The following XRCC5 variants were observed in gnomAD, a reference collection of about 807,000 sequenced individuals.
XRCC5 encodes the protein X-ray repair cross complementing 5.
In XRCC5, 12 loss-of-function variants were observed where a neutral mutation model predicts 95.7. That is an observed-to-expected ratio of 0.13 (90% confidence interval 0.08 to 0.20). XRCC5 has a LOEUF of 0.20. Among genes scored for constraint, XRCC5 ranks in the 10% least tolerant of loss-of-function variants. The pLI is 1.00. For synonymous variants in XRCC5, 281 were observed against 290.3 expected, an observed-to-expected ratio of 0.97 and a Z score of 0.33; for missense variants, 595 against 873.9, an observed-to-expected ratio of 0.68 and a Z score of 4.02.
Position 216,119,031 on chromosome 2 carries a change from T to G in XRCC5, c.369-12T>G. On this transcript the variant is annotated splice_polypyrimidine_tract_variant and intron_variant, in intron 4 of 20. Coordinates refer to ENST00000392132, the MANE Select transcript of XRCC5 (RefSeq NM_021141.4). ...GAGAATGATTTCTTAATATGATAAC[T>G]CTCTCTTTTAGAGGAAAGAAGTTTG... The G allele has an allele frequency of 6.2e-7, 1 of 1,612,536 alleles. No individual in the cohort carries two copies. Among genetic ancestry groups the G allele is most frequent in the East Asian group, 2.2e-5 (1 of 44,850 alleles).
intron 2 of XRCC5, among the ~76,000 whole-genome samples, chr2:216,115,845 G>A (rs910679923): frequency 1.3e-5 from 2 of 151,620 alleles, no homozygotes; most frequent in African/African-American, 4.8e-5. Flanking sequence ...GATAAACCTG[G>A]AGGCCCTTCC....
intron 16 of XRCC5, chr2:216,175,847 G>T (rs957720976): frequency 2.3e-6 from 1 of 431,454 alleles, no homozygotes; most frequent in Admixed American, 2.6e-5. Flanking sequence ...ATCTGTGAGT[G>T]TGCCCCCTTT....
intron 14 of XRCC5, among the ~76,000 whole-genome samples, chr2:216,159,602 C>T (rs1227155994): frequency 6.6e-6 from 1 of 152,074 alleles, no homozygotes; most frequent in East Asian, 1.9e-4. Flanking sequence ...TTATAAAGCT[C>T]TAACATACAT....
chr2:216,121,545 C>T (rs928104505), intron 5 of XRCC5, among the ~76,000 whole-genome samples: 3 of 152,174 alleles, frequency 2.0e-5, no homozygotes, highest in Non-Finnish European at 1.5e-5. Context: ...CAAAAAGCCT[C>T]TCCCTTCAAC....
In XRCC5 at chr2:216,127,691, T is replaced by G; in HGVS notation, c.937+17T>G. The G allele has an allele frequency of 6.3e-7, 1 of 1,580,044 alleles. No homozygotes were observed. Among genetic ancestry groups the G allele is most frequent in the Non-Finnish European group, 8.6e-7 (1 of 1,168,180 alleles). ...TTATTCAAGGTATGTCAGTAAGAGT[T>G]TTCACTGTTGCCTAAAAGACATTTT... On this transcript the variant is annotated intron_variant, in intron 8 of 20. Transcript: ENST00000392132.
intron 16 of XRCC5, among the ~76,000 whole-genome samples, chr2:216,189,367 C>G (rs1689571411): frequency 6.6e-6 from 1 of 152,212 alleles, no homozygotes; most frequent in South Asian, 2.1e-4. Flanking sequence ...CCCACATCTC[C>G]CTGATTTGTT....
intron 20 of XRCC5, 44 bp from the exon 21 acceptor site, chr2:216,205,144 A>G (rs768855666): frequency 6.2e-7 from 1 of 1,613,342 alleles, no homozygotes; most frequent in South Asian, 1.1e-5. Flanking sequence ...CAGTGGTATG[A>G]AATTGGCCTG....
intron 16 of XRCC5, among the ~76,000 whole-genome samples, chr2:216,166,026 G>A (rs1689049268): frequency 6.6e-6 from 1 of 152,186 alleles, no homozygotes; most frequent in Non-Finnish European, 1.5e-5. Flanking sequence ...CAGGAAGCAT[G>A]TTCTTTCTGG....
intron 8 of XRCC5, among the ~76,000 whole-genome samples, chr2:216,128,525 C>A (rs986873060): frequency 1.3e-5 from 2 of 152,110 alleles, no homozygotes; most frequent in Admixed American, 6.5e-5. Context: ...TCTACCAGTT[C>A]TTGAATTCAA....
chr2:216,112,946 GCAAGGGA>G, intron 1 of XRCC5, 63 bp from the exon 2 acceptor site: 1 of 1,202,968 alleles, frequency 8.3e-7, no homozygotes, highest in African/African-American at 1.5e-5. Flanking sequence ...AATACAATAA[GCAAGGGA>G]CATTCTTACA....
chr2:216,159,953 CTTT>C (rs2106026495), intron 14 of XRCC5, 112 bp from the exon 15 acceptor site: 1 of 584,554 alleles, frequency 1.7e-6, no homozygotes, highest in South Asian at 2.8e-5. Flanking sequence ...CATTATTTTT[CTTT>C]TCTTCTTCTT....
At chr2:216,149,031 A>G (rs1369812606) in intron 14 of XRCC5, among the ~76,000 whole-genome samples, 2 of 152,178 alleles carry the variant, frequency 1.3e-5, no homozygotes, top group East Asian at 1.9e-4. Flanking sequence ...GGAATAATCT[A>G]TACATTTCTT....
chr2:216,158,809 T>G (rs1688895123), intron 14 of XRCC5, among the ~76,000 whole-genome samples: 1 of 152,210 alleles, frequency 6.6e-6, no homozygotes, highest in South Asian at 2.1e-4. Context: ...TACCTACCTC[T>G]AAGAGGAAAT....
At chr2:216,189,620 G>A (rs1397710944) in intron 16 of XRCC5, among the ~76,000 whole-genome samples, 1 of 152,180 alleles carries the variant, frequency 6.6e-6, no homozygotes, top group Non-Finnish European at 1.5e-5. Context: ...GGAGTAGTGA[G>A]CAATAGGGAG....
chr2:216,160,370 A>G (rs907067108), intron 15 of XRCC5, among the ~76,000 whole-genome samples: 1 of 152,188 alleles, frequency 6.6e-6, no homozygotes, highest in African/African-American at 2.4e-5. Flanking sequence ...AATTATCTAT[A>G]TGATATAAGG....
chr2:216,156,085 G>T (rs1047688840), intron 14 of XRCC5, among the ~76,000 whole-genome samples: 9 of 152,174 alleles, frequency 5.9e-5, no homozygotes, highest in African/African-American at 2.2e-4. Context: ...CTTCTGCCTT[G>T]TGTTGATAAC....
intron 16 of XRCC5, among the ~76,000 whole-genome samples, chr2:216,164,388 G>A (rs1486585623): frequency 6.6e-6 from 1 of 152,198 alleles, no homozygotes; most frequent in Admixed American, 6.5e-5. Context: ...CTATGTTCAA[G>A]GCATTGTGCT....
chr2:216,115,660 A>T (rs1011627985), intron 2 of XRCC5, among the ~76,000 whole-genome samples: 3 of 130,572 alleles, frequency 2.3e-5, no homozygotes, highest in African/African-American at 1.4e-4. Flanking sequence ...GTTAATAATT[A>T]GACAGGACTG....
rs537815054 is a variant in XRCC5, at chr2:216,194,788, T to C, written c.2042-131T>C. ...GAGTCTGAGACCAGCCTGGGCAACA[T>C]AGTGGGACCCTGTCTCTATTTAAAA... On this transcript the variant is annotated intron_variant, in intron 18 of 20. Transcript: ENST00000392132. 4.8e-6 allele frequency: 4 copies of C among 840,752 alleles called. No homozygotes were observed. In the East Asian group the frequency reaches 7.5e-5, roughly 16 times the overall value. The allele number at this position is 840,752 out of a possible 1,614,324, so 52.1% of individuals were successfully genotyped here.
Sources: gnomAD v4.1 joint callset for allele counts (sites outside exome capture counted in the v4.1 genomes callset) on GRCh38, gnomAD v4.1.1 for gene constraint, MANE v1.5 for transcripts, NCBI Gene and HGNC (gene_info 2026-07-23, HGNC 2026-07-21) for gene names.